Variants in CCDC33 observed in about 807,000 individuals in gnomAD.
CCDC33 encodes coiled-coil domain containing 33.
A neutral mutation model predicts 91.9 loss-of-function variants in CCDC33; 94 were observed. That is an observed-to-expected ratio of 1.02 (90% confidence interval 0.87 to 1.21). The LOEUF (loss-of-function observed/expected upper bound fraction) is 1.21. CCDC33 is among the 50% of genes most tolerant of loss of function. CCDC33 has a pLI of 0.00. For synonymous variants in CCDC33, 396 were observed against 374.5 expected (o/e 1.06, Z -0.66); for missense variants, 940 against 935.5 (o/e 1.00, Z -0.06).
At chr15:74,315,056 A>AGAATGTAT (rs1037337556) in intron 11 of CCDC33, among the ~76,000 whole-genome samples, 6 of 152,312 alleles carry the variant, frequency 3.9e-5, no homozygotes, top group Middle Eastern at 3.4e-3. Flanking sequence ...TGACAGCCTC[A>AGAATGTAT]GAATGTATGA....
intron 10 of CCDC33, among the ~76,000 whole-genome samples, chr15:74,284,601 T>A (rs2059436398): frequency 6.6e-6 from 1 of 152,006 alleles, no homozygotes; most frequent in African/African-American, 2.4e-5. Context: ...AAAAAAACAA[T>A]CAGGCCCTGT....
intron 11 of CCDC33, among the ~76,000 whole-genome samples, chr15:74,314,289 C>T (rs1400786263): frequency 6.6e-6 from 1 of 152,220 alleles, no homozygotes; most frequent in Non-Finnish European, 1.5e-5. Flanking sequence ...AAGCCTTGGC[C>T]ACATCTGTGT....
At position 74,335,917 on chromosome 15, in the gene CCDC33, C is replaced by A. The variant is rs2060557419; in HGVS notation, c.2140-8C>A. ...GGGTACTCACGCACCCCGCTTTGCACACCACAGAGTGCCCTCACCCACTCC... is the reference window on the plus strand; with the variant it reads ...GGGTACTCACGCACCCCGCTTTGCAAACCACAGAGTGCCCTCACCCACTCC... On this transcript the variant is annotated splice_region_variant and splice_polypyrimidine_tract_variant and intron_variant, in intron 18 of 18. Coordinates refer to ENST00000398814, the MANE Select transcript of CCDC33 (RefSeq NM_025055.5). 6.2e-7 allele frequency: 1 copy of A among 1,612,024 alleles called. No homozygotes were observed. The highest frequency in any genetic ancestry group is 8.5e-7 in the Non-Finnish European group (1 of 1,178,494).
chr15:74,330,719 A>G lies in CCDC33; in HGVS notation c.1513A>G (p.Arg505Gly). 1 of 1,613,460 alleles carries G rather than the reference A, an allele frequency of 6.2e-7. No individual in the cohort carries two copies. The highest frequency in any genetic ancestry group is 1.3e-5 in the African/African-American group (1 of 74,968). The change falls in exon 13 of 19, where the codon AGG (arginine) becomes GGG (glycine). Residue 505 changes from arginine to glycine, a missense_variant. Transcript: ENST00000398814. ...GCTGGATATGAAGAAACTGAGGGACAGGGTGCAGCATTTGCAGAATGAGCT... is the reference window on the plus strand; with the variant it reads ...GCTGGATATGAAGAAACTGAGGGACGGGGTGCAGCATTTGCAGAATGAGCT... Reference protein sequence around the residue: ...SELDMKKLRDRVQHLQNELIR... With the variant: ...SELDMKKLRDGVQHLQNELIR...
At chr15:74,246,780 A>G (rs1937679336) in intron 2 of CCDC33, among the ~76,000 whole-genome samples, 2 of 152,250 alleles carry the variant, frequency 1.3e-5, no homozygotes, top group South Asian at 4.1e-4. Flanking sequence ...CAAGAAATTG[A>G]AAATAAAACT....
intron 11 of CCDC33, among the ~76,000 whole-genome samples, chr15:74,309,501 A>G (rs1596086234): frequency 6.6e-6 from 1 of 152,184 alleles, no homozygotes; most frequent in East Asian, 1.9e-4. Context: ...CAGGAACCTC[A>G]GTCTCTTTAG....
chr15:74,335,418 T>G (rs1484140465), intron 18 of CCDC33: 11 of 563,148 alleles, frequency 2.0e-5, no homozygotes, highest in Non-Finnish European at 3.5e-5. Flanking sequence ...CTGGCTGCGC[T>G]CATGGGCAGA....
intron 1 of CCDC33, among the ~76,000 whole-genome samples, chr15:74,240,039 G>A (rs2075297156): frequency 6.6e-6 from 1 of 152,214 alleles, no homozygotes; most frequent in African/African-American, 2.4e-5. Flanking sequence ...TAGCAGCCCT[G>A]GCCCACCATC....
intron 10 of CCDC33, among the ~76,000 whole-genome samples, chr15:74,291,091 C>T (rs1019220314): frequency 3.9e-5 from 6 of 152,238 alleles, no homozygotes; most frequent in African/African-American, 1.4e-4. Flanking sequence ...ATCATGGCCC[C>T]ACCAAGGATT....
intron 11 of CCDC33, among the ~76,000 whole-genome samples, chr15:74,297,228 C>T (rs1360019892): frequency 6.6e-6 from 1 of 152,188 alleles, no homozygotes; most frequent in Non-Finnish European, 1.5e-5. Context: ...CACCTCTGGC[C>T]CTTGGGGAAA....
upstream of CCDC33, among the ~76,000 whole-genome samples, chr15:74,214,428 G>C (rs1299265554): frequency 6.6e-6 from 1 of 152,168 alleles, no homozygotes; most frequent in Non-Finnish European, 1.5e-5. Context: ...CTGCCCCCCA[G>C]AGACAGTCTC....
chr15:74,231,695 C>G (rs1160355130), upstream of CCDC33, among the ~76,000 whole-genome samples: 2 of 152,188 alleles, frequency 1.3e-5, no homozygotes, highest in African/African-American at 4.8e-5. Flanking sequence ...AAGTCCATTC[C>G]CTCAGAGCAT....
In CCDC33 at chr15:74,330,282, A is replaced by G. The variant is rs749583130; in HGVS notation, c.1384A>G (p.Ile462Val). 7.4e-6 allele frequency: 12 copies of G among 1,612,348 alleles called. No individual in the cohort carries two copies. The highest frequency in any genetic ancestry group is 2.0e-4 in the Middle Eastern group (1 of 5,120). The change falls in exon 12 of 19, where the codon ATA becomes GTA. Residue 462 changes from isoleucine to valine, a missense_variant. By Grantham distance (29) the Ile-to-Val change is conservative (BLOSUM62 3). Transcript: ENST00000398814. Reference sequence around the variant, plus strand: ...CAGCATCCTGGAAGGAGAGAACCGCATACTGAGGAGCCGCCTGGCCCAGCA... The same window carrying G: ...CAGCATCCTGGAAGGAGAGAACCGCGTACTGAGGAGCCGCCTGGCCCAGCA... Reference protein sequence around the residue: ...QASILEGENRILRSRLAQQEE... With the variant: ...QASILEGENRVLRSRLAQQEE...
intron 2 of CCDC33, among the ~76,000 whole-genome samples, chr15:74,223,126 C>T (rs1213291705): frequency 3.3e-5 from 5 of 152,032 alleles, no homozygotes; most frequent in Non-Finnish European, 5.9e-5. Context: ...GAACTGGGCA[C>T]CTCTTCGTTC....
At chr15:74,333,357 T>TG in intron 16 of CCDC33, 1 of 1,497,878 alleles carries the variant, frequency 6.7e-7, no homozygotes, top group South Asian at 1.2e-5. Context: ...GCCCAGGCCC[T>TG]GCTCCACCTC....
chr15:74,292,516 T>C (rs946215592), intron 10 of CCDC33, among the ~76,000 whole-genome samples: 2 of 152,188 alleles, frequency 1.3e-5, no homozygotes, highest in Non-Finnish European at 2.9e-5. Context: ...TCACCTCACA[T>C]GACAAAAGCA....
In CCDC33 at chr15:74,262,577, A is replaced by G; in HGVS notation, c.319+4A>G. ...GCTGAGGATGCAGGGCAAGAAGGTA[A>G]GCAGGGGCTGGGCAGGGCCGGCATG... On this transcript the variant is annotated splice_donor_region_variant and intron_variant, in intron 3 of 18. Transcript: ENST00000398814. 1 of 1,612,120 alleles carries G rather than the reference A, an allele frequency of 6.2e-7. No individual in the cohort carries two copies. The highest frequency in any genetic ancestry group is 1.1e-5 in the South Asian group (1 of 90,710).
intron 7 of CCDC33, among the ~76,000 whole-genome samples, chr15:74,276,215 C>T (rs2076445521): frequency 6.6e-6 from 1 of 152,234 alleles, no homozygotes; most frequent in African/African-American, 2.4e-5. Context: ...TGGTGGTGGG[C>T]TAGGTGGCCC....
At chr15:74,280,284 C>T (rs1289820193) in intron 8 of CCDC33, among the ~76,000 whole-genome samples, 192 bp downstream of exon 8, 2 of 152,156 alleles carry the variant, frequency 1.3e-5, no homozygotes, top group Non-Finnish European at 2.9e-5. Context: ...GTGGGCCTGT[C>T]CCATACTAGG....
Sources: gnomAD v4.1 joint callset for allele counts (sites outside exome capture counted in the v4.1 genomes callset) on GRCh38, gnomAD v4.1.1 for gene constraint, MANE v1.5 for transcripts, NCBI Gene and HGNC (gene_info 2026-07-23, HGNC 2026-07-21) for gene names.